The following DMD variants were observed in gnomAD, a reference collection of about 807,000 sequenced individuals.
The protein encoded by DMD is mutant dystrophin.
A neutral mutation model predicts 330.1 loss-of-function variants in DMD; 63 were observed. That is an observed-to-expected ratio of 0.19 (90% CI 0.16 to 0.24). DMD has a LOEUF of 0.24. Ranked by LOEUF, DMD falls within the 10% of genes least tolerant of loss-of-function variation. The pLI is 1.00. For synonymous variants in DMD, 1,223 were observed against 959.8 expected, an observed-to-expected ratio of 1.27 and a Z score of -5.07; for missense variants, 3,344 against 2,684.1, an observed-to-expected ratio of 1.25 and a Z score of -5.43.
intron 18 of DMD, among the ~76,000 whole-genome samples, chrX:32,508,936 G>A (rs1188178221): frequency 4.6e-5 from 5 of 109,717 alleles, no homozygotes; most frequent in African/African-American, 1.3e-4. Context: ...TCAGCCTCCT[G>A]AGTAGCTGGG....
chrX:32,336,871 T>C (rs2097718172), intron 41 of DMD, among the ~76,000 whole-genome samples: 1 of 111,806 alleles, frequency 8.9e-6, no homozygotes, highest in Non-Finnish European at 1.9e-5. Context: ...TAGGCCTCTA[T>C]GTTAGCAGAA....
chrX:31,477,620 C>T (rs1487966794), intron 59 of DMD, among the ~76,000 whole-genome samples: 1 of 111,191 alleles, frequency 9.0e-6, no homozygotes, highest in Non-Finnish European at 1.9e-5. Flanking sequence ...AACTGTATTA[C>T]AAATGTTGCC....
At position 33,068,201 on chromosome X, in the gene DMD, C is replaced by T. The variant is rs145677344; in HGVS notation, c.32-48001G>A. 8.1e-3 allele frequency among the ~76,000 whole-genome samples: 903 copies of T among 112,114 alleles called. 5 individuals carry two copies. The highest frequency in any genetic ancestry group is 0.028 in the African/African-American group (870 of 30,920). ...CAGAAGAATATCATTTAGAATGGGG[C>T]TTTAGAATCTGCATTTTTAATAAGC... is the stretch of plus-strand genomic sequence containing the variant. On this transcript the variant is annotated intron_variant, in intron 1 of 78. Coordinates refer to ENST00000357033, the MANE Select transcript of DMD (RefSeq NM_004006.3).
chrX:32,502,759 T>G (rs2148697846), intron 18 of DMD, among the ~76,000 whole-genome samples: 1 of 112,111 alleles, frequency 8.9e-6, no homozygotes, highest in African/African-American at 3.2e-5. Context: ...GACTATTTTT[T>G]AAGACTTCAT....
At chrX:32,241,064 A>G (rs976449590) in intron 43 of DMD, among the ~76,000 whole-genome samples, 3 of 111,760 alleles carry the variant, frequency 2.7e-5, no homozygotes. Flanking sequence ...CTCTTCTTCC[A>G]TTTTATTTGT....
In DMD at chrX:31,416,528, A is replaced by G. The variant is rs2061880584; in HGVS notation, c.9084+27953T>C. On this transcript the variant is annotated intron_variant, in intron 60 of 78. Transcript: ENST00000357033. ...GAAGAATTCTTGTGACCTGATGCCA[A>G]ATCTAAAGGTAAGAGAATACTGTAT... Among the ~76,000 whole-genome samples the G allele has an allele frequency of 3.6e-5, 4 of 112,241 alleles. No homozygotes were observed. The South Asian group carries it at 1.5e-3, about 41-fold the overall frequency.
intron 59 of DMD, among the ~76,000 whole-genome samples, chrX:31,471,477 C>T (rs949265001): frequency 8.9e-6 from 1 of 111,851 alleles, no homozygotes; most frequent in African/African-American, 3.3e-5. Flanking sequence ...GTGGGCTGCA[C>T]CCACTGTCTA....
intron 48 of DMD, among the ~76,000 whole-genome samples, chrX:31,846,691 A>G (rs2093432580): frequency 9.0e-6 from 1 of 111,519 alleles, no homozygotes; most frequent in Admixed American, 9.6e-5. Context: ...CAAAAATTTC[A>G]TCTGTGTTTC....
chrX:33,265,764 T>C (rs1371120556), intron 1 of DMD, among the ~76,000 whole-genome samples: 1 of 111,544 alleles, frequency 9.0e-6, no homozygotes, highest in Non-Finnish European at 1.9e-5. Context: ...TAAGAGTCCA[T>C]ATTAATAGAA....
chrX:31,869,197 A>G (rs1347493220), intron 48 of DMD, among the ~76,000 whole-genome samples: 1 of 111,340 alleles, frequency 9.0e-6, no homozygotes, highest in Non-Finnish European at 1.9e-5. Context: ...CACACTTAAA[A>G]TAGCCTATTT....
chrX:32,082,140 T>A (rs987795077), intron 44 of DMD, among the ~76,000 whole-genome samples: 9 of 111,532 alleles, frequency 8.1e-5, no homozygotes, highest in African/African-American at 2.9e-4. Context: ...ATCTAGGCCA[T>A]CTCCACTGAA....
intron 1 of DMD, among the ~76,000 whole-genome samples, chrX:33,310,035 G>A (rs1283134276): frequency 1.8e-5 from 2 of 110,552 alleles, no homozygotes; most frequent in Non-Finnish European, 1.9e-5. Context: ...TGTGCTTGTG[G>A]GGTAACAAAG....
chrX:32,647,678 A>G (rs1472621992), intron 9 of DMD, among the ~76,000 whole-genome samples: 7 of 112,064 alleles, frequency 6.2e-5, no homozygotes, highest in Non-Finnish European at 1.3e-4. Flanking sequence ...CTTCCATAAT[A>G]AGATTGTGGT....
intron 2 of DMD, among the ~76,000 whole-genome samples, chrX:32,864,085 C>T (rs34886857): frequency 0.16 from 17,517 of 112,117 alleles, 1,250 homozygotes; most frequent in South Asian, 0.32. Flanking sequence ...CAACTTTATG[C>T]AATTTCCAAT....
intron 19 of DMD, among the ~76,000 whole-genome samples, chrX:32,497,541 G>A (rs1314743907): frequency 8.9e-6 from 1 of 111,813 alleles, no homozygotes; most frequent in Non-Finnish European, 1.9e-5. Context: ...ACTAAAGAAC[G>A]AGAACCTGAG....
chrX:32,577,227 A>G (rs753011635), intron 13 of DMD, among the ~76,000 whole-genome samples: 1 of 111,967 alleles, frequency 8.9e-6, no homozygotes, highest in Non-Finnish European at 1.9e-5. Flanking sequence ...ATACAGGAAC[A>G]AGGCATTCAT....
chrX:33,225,677 G>A (rs766042268), intron 1 of DMD, among the ~76,000 whole-genome samples: 5 of 111,172 alleles, frequency 4.5e-5, no homozygotes, highest in African/African-American at 1.3e-4. Flanking sequence ...TAGATTTGAC[G>A]TTAAAATCGT....
At chrX:31,725,430 TCATTAAGTATTTTG>T (rs1421511396) in intron 52 of DMD, among the ~76,000 whole-genome samples, 1 of 111,103 alleles carries the variant, frequency 9.0e-6, no homozygotes, top group African/African-American at 3.3e-5. Context: ...ACCAAAAAGC[TCATTAAGTATTTTG>T]CATTAAGCCT....
intron 43 of DMD, among the ~76,000 whole-genome samples, chrX:32,239,273 G>T (rs2097199414): frequency 9.0e-6 from 1 of 111,594 alleles, no homozygotes; most frequent in Admixed American, 9.5e-5. Context: ...CCATGCTTTT[G>T]GCTATTTATA....
Sources: allele counts gnomAD v4.1 joint callset (sites outside exome capture counted in the v4.1 genomes callset), GRCh38; gene constraint gnomAD v4.1.1; transcripts MANE v1.5; gene names NCBI Gene and HGNC (gene_info 2026-07-23, HGNC 2026-07-21).